Variants in KCNB2 observed in about 807,000 individuals in gnomAD.
KCNB2 encodes the protein potassium voltage-gated channel subfamily B member 2, also known as delayed rectifier potassium channel protein.
Under a neutral mutation model 61.5 loss-of-function variants are expected in KCNB2, and 15 were observed. The observed-to-expected ratio is 0.24, with a 90% CI of 0.16 to 0.38. KCNB2 has a LOEUF of 0.38. Among genes scored for constraint, KCNB2 ranks in the 10% least tolerant of loss-of-function variants. The pLI is 1.00. For missense variants in KCNB2, 828 were observed against 1,125.2 expected (o/e 0.74, Z 3.78); for synonymous variants, 457 against 446.0 (o/e 1.02, Z -0.31).
intron 2 of KCNB2, among the ~76,000 whole-genome samples, chr8:72,618,273 C>T (rs1320063698): frequency 6.6e-6 from 1 of 152,088 alleles, no homozygotes; most frequent in Non-Finnish European, 1.5e-5. Context: ...AGATCAAAAC[C>T]AAATAGTGCC....
intron 2 of KCNB2, among the ~76,000 whole-genome samples, chr8:72,910,354 A>G (rs1044204866): frequency 6.6e-6 from 1 of 152,140 alleles, no homozygotes; most frequent in East Asian, 1.9e-4. Flanking sequence ...AGAACCACCA[A>G]TGCATAGAAC....
intron 2 of KCNB2, among the ~76,000 whole-genome samples, chr8:72,673,999 A>T (rs987499733): frequency 2.0e-5 from 3 of 152,184 alleles, no homozygotes; most frequent in Non-Finnish European, 2.9e-5. Context: ...AAAAACTATG[A>T]ATTAGTAGTT....
At chr8:72,634,396 A>G (rs945423925) in intron 2 of KCNB2, among the ~76,000 whole-genome samples, 2 of 152,170 alleles carry the variant, frequency 1.3e-5, no homozygotes, top group Non-Finnish European at 1.5e-5. Context: ...GTCTGAGATG[A>G]GGCCTGAAAT....
At chr8:72,821,481 A>G (rs973237720) in intron 2 of KCNB2, among the ~76,000 whole-genome samples, 1 of 152,010 alleles carries the variant, frequency 6.6e-6, no homozygotes, top group Non-Finnish European at 1.5e-5. Flanking sequence ...CTCCGTTTCC[A>G]CTATGAAGTA....
rs149595398 is a variant in KCNB2 at position 72,831,865 on chromosome 8, C to T, written c.580-104070C>T. 9.2e-5 allele frequency among the ~76,000 whole-genome samples: 14 copies of T among 152,320 alleles called. No individual in the cohort carries two copies. In the East Asian group the frequency reaches 2.7e-3, roughly 29 times the overall value. On this transcript the variant is annotated intron_variant, in intron 2 of 2. Transcript: ENST00000523207. Reference sequence around the variant, plus strand: ...GAGACTATCCTTCACACAATCAGATCATATTATACTTGATCTTAGCCAAAA... The same window carrying T: ...GAGACTATCCTTCACACAATCAGATTATATTATACTTGATCTTAGCCAAAA...
intron 2 of KCNB2, among the ~76,000 whole-genome samples, chr8:72,919,452 G>C (rs778099638): frequency 2.6e-5 from 4 of 152,220 alleles, no homozygotes. Context: ...ATTCAAAATA[G>C]TTGTGTACCA....
chr8:72,909,337 C>G (rs919335652), intron 2 of KCNB2, among the ~76,000 whole-genome samples: 2 of 152,008 alleles, frequency 1.3e-5, no homozygotes, highest in African/African-American at 4.8e-5. Context: ...GCAAAGGGAC[C>G]AAAGTATGCA....
intron 2 of KCNB2, among the ~76,000 whole-genome samples, chr8:72,862,435 A>AT (rs571674191): frequency 6.6e-5 from 10 of 151,578 alleles, no homozygotes; most frequent in Admixed American, 1.3e-4. Context: ...CCTTTCTACA[A>AT]TTTTTTTTTA....
At chr8:72,558,747 T>A (rs1183337576) in intron 1 of KCNB2, among the ~76,000 whole-genome samples, 5 of 152,196 alleles carry the variant, frequency 3.3e-5, no homozygotes. Context: ...AGATGGATAT[T>A]TATCAAATAA....
At chr8:72,921,313 C>T (rs1806516753) in intron 2 of KCNB2, among the ~76,000 whole-genome samples, 1 of 152,058 alleles carries the variant, frequency 6.6e-6, no homozygotes, top group Admixed American at 6.6e-5. Flanking sequence ...CTGATTAAGA[C>T]TATTAAATTG....
intron 2 of KCNB2, among the ~76,000 whole-genome samples, chr8:72,743,191 T>A (rs1317967130): frequency 6.6e-6 from 1 of 152,232 alleles, no homozygotes; most frequent in African/African-American, 2.4e-5. Flanking sequence ...GAATTGCAGC[T>A]AAACATTCTG....
intron 2 of KCNB2, among the ~76,000 whole-genome samples, chr8:72,615,264 A>G (rs1805599620): frequency 6.6e-6 from 1 of 152,174 alleles, no homozygotes; most frequent in African/African-American, 2.4e-5. Context: ...CTCACAGGGT[A>G]GTTATGAGAA....
chr8:72,746,910 C>T (rs1563578296), intron 2 of KCNB2, among the ~76,000 whole-genome samples: 1 of 152,164 alleles, frequency 6.6e-6, no homozygotes, highest in Non-Finnish European at 1.5e-5. Context: ...TACCCCTTCT[C>T]ACTATTCCAG....
intron 2 of KCNB2, among the ~76,000 whole-genome samples, chr8:72,732,871 G>T (rs1807771140): frequency 6.6e-6 from 1 of 152,088 alleles, no homozygotes; most frequent in Non-Finnish European, 1.5e-5. Flanking sequence ...ATATCATCCT[G>T]CACTATCACT....
intron 1 of KCNB2, among the ~76,000 whole-genome samples, chr8:72,560,720 T>C (rs1806498213): frequency 6.6e-6 from 1 of 152,210 alleles, no homozygotes; most frequent in African/African-American, 2.4e-5. Flanking sequence ...TGAAGCACAC[T>C]AAAAATTTCC....
At chr8:72,759,485 C>T (rs961153679) in intron 2 of KCNB2, among the ~76,000 whole-genome samples, 1 of 152,172 alleles carries the variant, frequency 6.6e-6, no homozygotes, top group Non-Finnish European at 1.5e-5. Context: ...AACTCTGCTG[C>T]CTTCTTTCTC....
intron 2 of KCNB2, among the ~76,000 whole-genome samples, chr8:72,903,998 G>A (rs1358794212): frequency 6.6e-6 from 1 of 152,162 alleles, no homozygotes; most frequent in Admixed American, 6.6e-5. Flanking sequence ...TCCCATTTGA[G>A]TAGTATAAGT....
chr8:72,936,354 T>A lies in KCNB2; in HGVS notation c.999T>A (p.Asn333Lys). ...SLGFTLRRSY[N>K]ELGLLILFLA... Reference sequence around the variant, plus strand: ...GTTTCACCCTTAGGCGGAGTTACAATGAATTGGGCTTGTTGATATTGTTTC... The same window carrying A: ...GTTTCACCCTTAGGCGGAGTTACAAAGAATTGGGCTTGTTGATATTGTTTC... The change falls in exon 3 of 3, where the codon AAT becomes AAA. Residue 333 changes from asparagine (N) to lysine (K), a missense_variant. Physicochemically the swap from Asn to Lys is moderately conservative, Grantham distance 94. Around this residue, in one of 4 missense-constraint regions of KCNB2, gnomAD observed 44 missense variants for 167.6 expected, o/e 0.26. Coordinates refer to ENST00000523207, the MANE Select transcript of KCNB2 (RefSeq NM_004770.3). This position sits in a 1 kb window ranked among gnomAD's most constrained non-coding sequence, Gnocchi z 5.6. 2 of 1,614,230 alleles carry A rather than the reference T, an allele frequency of 1.2e-6. No homozygotes were observed. Among genetic ancestry groups the A allele is most frequent in the Non-Finnish European group, 1.7e-6 (2 of 1,180,040 alleles).
Position 72,675,988 on chromosome 8 carries a change from A to G in KCNB2, c.579+107675A>G, listed in dbSNP as rs1182011012. Among the ~76,000 whole-genome samples the G allele has an allele frequency of 2.2e-5, 3 of 135,900 alleles. No individual in the cohort carries two copies. In the East Asian group the frequency reaches 6.1e-4, roughly 28 times the overall value. The allele number at this position is 135,900 out of a possible 152,430, so 89.2% of individuals were successfully genotyped here. On this transcript the variant is annotated intron_variant, in intron 2 of 2. Coordinates refer to ENST00000523207, the MANE Select transcript of KCNB2 (RefSeq NM_004770.3). ...GTGCATTGGAGAAGAATTAAGACTC[A>G]GAAAAGTGTAGTGTTGAAAACATTC...
Sources: allele counts gnomAD v4.1 joint callset (sites outside exome capture counted in the v4.1 genomes callset), GRCh38; gene constraint gnomAD v4.1.1; regional missense constraint gnomAD v4.1.1; non-coding constraint Gnocchi (gnomAD v3.1); transcripts MANE v1.5; gene names NCBI Gene and HGNC (gene_info 2026-07-23, HGNC 2026-07-21).